The following PTPRM variants were observed in gnomAD, a reference collection of about 807,000 sequenced individuals.
The protein encoded by PTPRM is protein tyrosine phosphatase receptor type M.
In PTPRM, 47 loss-of-function variants were observed where a neutral mutation model predicts 186.7. The ratio of observed to expected loss-of-function variants is 0.25; its 90% confidence interval spans 0.20 to 0.32. The LOEUF is 0.32. PTPRM is among the 10% of genes least tolerant of loss of function. The pLI is 1.00. For missense variants in PTPRM, 1,494 were observed against 1,865.0 expected (o/e 0.80, Z 3.66); for synonymous variants, 668 against 674.9 (o/e 0.99, Z 0.16).
At chr18:8,066,754 T>TGAG (rs1164169486) in intron 7 of PTPRM, among the ~76,000 whole-genome samples, 1 of 152,224 alleles carries the variant, frequency 6.6e-6, no homozygotes, top group Non-Finnish European at 1.5e-5. Flanking sequence ...GATTTAGACC[T>TGAG]CATACAGCCT....
At chr18:8,345,687 T>G (rs1212579446) in intron 23 of PTPRM, among the ~76,000 whole-genome samples, 1 of 151,200 alleles carries the variant, frequency 6.6e-6, no homozygotes, top group African/African-American at 2.4e-5. Context: ...ATAAATTATA[T>G]ACATTTTATA....
At position 7,567,682 on chromosome 18, in the gene PTPRM, C is replaced by T; in HGVS notation, c.-137C>T. On this transcript the variant is annotated 5_prime_UTR_variant, in exon 1 of 33. Coordinates refer to ENST00000580170, the MANE Select transcript of PTPRM (RefSeq NM_001105244.2). This position sits in a 1 kb window ranked among gnomAD's most constrained non-coding sequence, Gnocchi z 4.3. ...GAGTTCGGACTTCTGCAACTGTTGG[C>T]ACTTTGGGGGCTTGGCTTAGCGCTC... 4.1e-6 allele frequency: 3 copies of T among 730,268 alleles called. No individual in the cohort carries two copies. The highest frequency in any genetic ancestry group is 6.1e-6 in the Non-Finnish European group (3 of 490,318). 45.2% of individuals were successfully genotyped at this position (730,268 alleles called of 1,614,324 possible).
intron 20 of PTPRM, among the ~76,000 whole-genome samples, chr18:8,303,041 T>C (rs1384178509): frequency 6.6e-6 from 1 of 151,544 alleles, no homozygotes; most frequent in Non-Finnish European, 1.5e-5. Flanking sequence ...GTCATATGGG[T>C]GGTGGTAGAA....
At chr18:8,181,908 C>T (rs1365796109) in intron 14 of PTPRM, among the ~76,000 whole-genome samples, 1 of 151,952 alleles carries the variant, frequency 6.6e-6, no homozygotes, top group Non-Finnish European at 1.5e-5. Context: ...CAAAGGAAAC[C>T]CCTTCTTTTA....
Position 7,668,021 on chromosome 18 carries a change from G to T in PTPRM, c.73+100130G>T, listed in dbSNP as rs1333940418. The stretch of plus-strand genomic sequence containing the variant: ...AGTCCACCTACGTGCCACAAGTTCT[G>T]AGTAAATGTGGAATCAGGTTGGAAG... On this transcript the variant is annotated intron_variant, in intron 1 of 32. Transcript: ENST00000580170. This position sits in a 1 kb window ranked among gnomAD's most constrained non-coding sequence, Gnocchi z 4.7. Among the ~76,000 whole-genome samples, 2 of 152,112 alleles carry T rather than the reference G, an allele frequency of 1.3e-5. No homozygotes were observed. Among genetic ancestry groups the T allele is most frequent in the Non-Finnish European group, 2.9e-5 (2 of 68,026 alleles).
chr18:8,217,095 A>T (rs904026100), intron 14 of PTPRM, among the ~76,000 whole-genome samples: 6 of 152,310 alleles, frequency 3.9e-5, no homozygotes, highest in Admixed American at 2.0e-4. Flanking sequence ...ATTTACACAT[A>T]CTTTCTTCTG....
intron 14 of PTPRM, among the ~76,000 whole-genome samples, chr18:8,161,776 G>T (rs996456290): frequency 1.3e-5 from 2 of 152,044 alleles, no homozygotes; most frequent in Admixed American, 1.3e-4. Flanking sequence ...CTTTACCCAC[G>T]TGCTCATTCA....
chr18:7,840,022 G>C (rs945066907), intron 2 of PTPRM, among the ~76,000 whole-genome samples: 2 of 139,130 alleles, frequency 1.4e-5, no homozygotes, highest in African/African-American at 5.2e-5. Flanking sequence ...CCAGCACACA[G>C]AAATACTCTC....
chr18:7,797,771 A>G (rs1231212229), intron 2 of PTPRM, among the ~76,000 whole-genome samples: 1 of 152,172 alleles, frequency 6.6e-6, no homozygotes, highest in Non-Finnish European at 1.5e-5. Flanking sequence ...AAGGGCCTGG[A>G]TGACACCTGC....
intron 15 of PTPRM, among the ~76,000 whole-genome samples, chr18:8,245,145 G>A (rs1232091365): frequency 6.6e-6 from 1 of 152,200 alleles, no homozygotes; most frequent in African/African-American, 2.4e-5. Flanking sequence ...AATACCCACT[G>A]TGGTCAGTGT....
At chr18:7,876,910 A>G (rs2048272044) in intron 2 of PTPRM, among the ~76,000 whole-genome samples, 1 of 152,198 alleles carries the variant, frequency 6.6e-6, no homozygotes, top group Non-Finnish European at 1.5e-5. Flanking sequence ...TCCACCACTT[A>G]CAACCTACAT....
At chr18:8,247,292 GA>G (rs1253995295) in intron 15 of PTPRM, among the ~76,000 whole-genome samples, 2 of 152,176 alleles carry the variant, frequency 1.3e-5, no homozygotes, top group East Asian at 3.9e-4. Context: ...GAGTGTTTCA[GA>G]GGAATATTTT....
intron 2 of PTPRM, among the ~76,000 whole-genome samples, chr18:7,852,243 G>T (rs114547363): frequency 0.014 from 2,147 of 152,190 alleles, 29 homozygotes; most frequent in Non-Finnish European, 0.024. Context: ...TTTGCTGCTT[G>T]CAAGAGACAT....
chr18:8,193,602 G>A (rs1200719522), intron 14 of PTPRM, among the ~76,000 whole-genome samples: 1 of 152,242 alleles, frequency 6.6e-6, no homozygotes, highest in East Asian at 1.9e-4. Flanking sequence ...CAGACTCAGG[G>A]AGCTTTGGTC....
chr18:7,849,606 T>C (rs897244375), intron 2 of PTPRM, among the ~76,000 whole-genome samples: 2 of 152,246 alleles, frequency 1.3e-5, no homozygotes, highest in African/African-American at 2.4e-5. Flanking sequence ...ATGATTGGAA[T>C]TGGGCTGTCT....
At chr18:8,009,776 A>C (rs964814697) in intron 7 of PTPRM, among the ~76,000 whole-genome samples, 3 of 152,222 alleles carry the variant, frequency 2.0e-5, no homozygotes, top group African/African-American at 4.8e-5. Context: ...TTCCATGTAA[A>C]ATGTGTCAGT....
chr18:7,808,776 A>G (rs920645858), intron 2 of PTPRM, among the ~76,000 whole-genome samples: 11 of 152,246 alleles, frequency 7.2e-5, no homozygotes, highest in African/African-American at 1.2e-4. Context: ...CAAATGTGTT[A>G]GAATAGAGAA....
intron 1 of PTPRM, among the ~76,000 whole-genome samples, chr18:7,619,588 G>C (rs987167686): frequency 6.6e-6 from 1 of 152,180 alleles, no homozygotes; most frequent in African/African-American, 2.4e-5. Flanking sequence ...GAAATCACTT[G>C]TTGAAGACAC....
chr18:7,973,825 T>C (rs1010743200), intron 7 of PTPRM, among the ~76,000 whole-genome samples: 1 of 152,216 alleles, frequency 6.6e-6, no homozygotes, highest in Non-Finnish European at 1.5e-5. Context: ...TATGCAATTA[T>C]GTTTGCTAAA....
Sources: allele counts gnomAD v4.1 joint callset (sites outside exome capture counted in the v4.1 genomes callset), GRCh38; gene constraint gnomAD v4.1.1; non-coding constraint Gnocchi (gnomAD v3.1); transcripts MANE v1.5; gene names NCBI Gene and HGNC (gene_info 2026-07-23, HGNC 2026-07-21).